MAP3K5: variants seen among roughly 807,000 people sequenced by gnomAD.
The protein encoded by MAP3K5 is mitogen-activated protein kinase kinase kinase 5, also known as ASK-1.
In MAP3K5, 56 loss-of-function variants were observed where a neutral mutation model predicts 158.7. The ratio of observed to expected loss-of-function variants is 0.35; its 90% CI spans 0.28 to 0.44. The LOEUF (loss-of-function observed/expected upper bound fraction) is 0.44. Ranked by LOEUF, MAP3K5 falls within the 20% of genes least tolerant of loss-of-function variation. The pLI is 1.00. For synonymous variants in MAP3K5, 579 were observed against 601.7 expected, an observed-to-expected ratio of 0.96 and a Z score of 0.55; for missense variants, 1,294 against 1,674.8, an observed-to-expected ratio of 0.77 and a Z score of 3.97.
Position 136,757,589 on chromosome 6 carries a change from T to TTA in MAP3K5, c.448+34120_448+34121insTA, listed in dbSNP as rs1783558573. ...TAGATTTATTTATTTATTTTTTATTTTTTTTTTTTTTTTTTGAGACGGAGT... is the reference window on the plus strand; with the variant it reads ...TAGATTTATTTATTTATTTTTTATTTTATTTTTTTTTTTTTTTGAGACGGAGT... On this transcript the variant is annotated intron_variant, in intron 1 of 29. Transcript: ENST00000359015. 4.9e-5 allele frequency among the ~76,000 whole-genome samples: 7 copies of TTA among 141,524 alleles called. 1 individual carries two copies. Among genetic ancestry groups the TTA allele is most frequent in the African/African-American group, 1.8e-4 (7 of 38,012 alleles). The allele number at this position is 141,524 out of a possible 152,430, so 92.8% of individuals were successfully genotyped here. A position where few individuals can be genotyped will look rare whatever the true frequency, so the allele number is the denominator to read the frequency against.
chr6:136,643,843 C>T (rs1244877023), intron 11 of MAP3K5, among the ~76,000 whole-genome samples: 1 of 152,154 alleles, frequency 6.6e-6, no homozygotes, highest in Non-Finnish European at 1.5e-5. Flanking sequence ...AGACTGCAGC[C>T]TCAGCTGGTA....
intron 14 of MAP3K5, among the ~76,000 whole-genome samples, chr6:136,635,725 CAAAAA>C (rs140167177): frequency 4.4e-5 from 3 of 67,854 alleles, no homozygotes; most frequent in Non-Finnish European, 5.4e-5. Flanking sequence ...CCGTCTCCAC[CAAAAA>C]AAAAAAAAAA....
chr6:136,614,036 C>G, intron 16 of MAP3K5, 123 bp downstream of exon 16: 1 of 996,796 alleles, frequency 1.0e-6, no homozygotes, highest in Admixed American at 2.5e-5. Flanking sequence ...GGTAATGTCA[C>G]ATGTCCAATT....
intron 3 of MAP3K5, among the ~76,000 whole-genome samples, chr6:136,704,857 T>C (rs1209816533): frequency 6.6e-6 from 1 of 152,116 alleles, no homozygotes; most frequent in East Asian, 1.9e-4. Context: ...GAATATACTA[T>C]GAAACATTTT....
At chr6:136,736,781 C>T (rs1782479244) in intron 1 of MAP3K5, among the ~76,000 whole-genome samples, 1 of 151,892 alleles carries the variant, frequency 6.6e-6, no homozygotes, top group Non-Finnish European at 1.5e-5. Context: ...CTCAACTGAT[C>T]CTCCCACCTC....
rs182681656 is a variant in MAP3K5 at position 136,580,412 on chromosome 6, G to A, written c.3412-6C>T. 2 of 1,583,090 alleles carry A rather than the reference G, an allele frequency of 1.3e-6. No homozygotes were observed. Among genetic ancestry groups the A allele is most frequent in the African/African-American group, 1.3e-5 (1 of 74,424 alleles). ...TTCCGAAGAACTTTATTGACCTGGA[G>A]AGAGAGTGACATTTAGCCTACTTTA... On this transcript the variant is annotated splice_polypyrimidine_tract_variant and splice_region_variant and intron_variant, in intron 24 of 29. Coordinates refer to ENST00000359015, the MANE Select transcript of MAP3K5 (RefSeq NM_005923.4).
chr6:136,607,323 A>T (rs1776144659), intron 18 of MAP3K5, among the ~76,000 whole-genome samples: 1 of 152,112 alleles, frequency 6.6e-6, no homozygotes, highest in Non-Finnish European at 1.5e-5. Context: ...TAAATTAGAC[A>T]ATTCAAGTAA....
Position 136,651,010 on chromosome 6 carries a change from T to C in MAP3K5, c.1762A>G (p.Ile588Val). The change falls in exon 11 of 30, where the codon ATT becomes GTT. Residue 588 changes from isoleucine (I) to valine (V), a missense_variant. Ile to Val is a conservative substitution (Grantham distance 29). This residue lies in a region of MAP3K5 where 690 missense variants were observed against 870.5 expected (regional missense o/e 0.79). Coordinates refer to ENST00000359015, the MANE Select transcript of MAP3K5 (RefSeq NM_005923.4). ...NNEVEEKTIS[I>V]WHVLPDDKKG... ...TTGTCATCAGGAAGCACGTGCCAAA[T>C]AGAGATTGTCTTTTCCTCAACTTCA... The C allele has an allele frequency of 1.9e-6, 3 of 1,611,754 alleles. No individual in the cohort carries two copies. Among genetic ancestry groups the C allele is most frequent in the East Asian group, 2.2e-5 (1 of 44,808 alleles).
intron 1 of MAP3K5, among the ~76,000 whole-genome samples, chr6:136,724,957 C>G (rs1437096686): frequency 6.6e-6 from 1 of 152,174 alleles, no homozygotes; most frequent in East Asian, 1.9e-4. Flanking sequence ...AAATCCCAGT[C>G]CCTGGCAACC....
chr6:136,709,643 T>C (rs1355348008), intron 2 of MAP3K5, among the ~76,000 whole-genome samples: 1 of 152,254 alleles, frequency 6.6e-6, no homozygotes, highest in African/African-American at 2.4e-5. Context: ...CAATATGCTA[T>C]ATCTTCCTTA....
At chr6:136,603,020 T>G (rs1486335993) in intron 19 of MAP3K5, among the ~76,000 whole-genome samples, 4 of 152,170 alleles carry the variant, frequency 2.6e-5, no homozygotes, top group Non-Finnish European at 5.9e-5. Flanking sequence ...AGGAAATCCT[T>G]TTGTTCTTAT....
chr6:136,649,967 C>T (rs1242695416), intron 11 of MAP3K5, among the ~76,000 whole-genome samples: 1 of 152,176 alleles, frequency 6.6e-6, no homozygotes, highest in Non-Finnish European at 1.5e-5. Context: ...AAACTGCAAG[C>T]CCATACTCCC....
intron 1 of MAP3K5, among the ~76,000 whole-genome samples, chr6:136,766,936 T>C (rs1783991943): frequency 6.6e-6 from 1 of 152,186 alleles, no homozygotes; most frequent in Admixed American, 6.5e-5. Context: ...TTTCATTAGA[T>C]TTCCACTATC....
intron 7 of MAP3K5, among the ~76,000 whole-genome samples, chr6:136,683,530 G>A (rs1260380581): frequency 6.6e-6 from 1 of 152,164 alleles, no homozygotes; most frequent in African/African-American, 2.4e-5. Flanking sequence ...TCCTACTTCT[G>A]AACTTCATGT....
At chr6:136,594,985 G>T (rs1775559545) in intron 21 of MAP3K5, among the ~76,000 whole-genome samples, 1 of 152,178 alleles carries the variant, frequency 6.6e-6, no homozygotes, top group South Asian at 2.1e-4. Flanking sequence ...CCTAAAAGGA[G>T]GCCTAATGAG....
At chr6:136,650,617 CT>C in intron 11 of MAP3K5, among the ~76,000 whole-genome samples, 1 of 152,310 alleles carries the variant, frequency 6.6e-6, no homozygotes, top group African/African-American at 2.4e-5. Flanking sequence ...TGGCATCATT[CT>C]GACAGGCTTC....
intron 8 of MAP3K5, among the ~76,000 whole-genome samples, chr6:136,667,622 A>G (rs912952628): frequency 6.6e-6 from 1 of 152,090 alleles, no homozygotes; most frequent in Non-Finnish European, 1.5e-5. Flanking sequence ...GAGGTTTTTG[A>G]AAAAAGCACT....
intron 1 of MAP3K5, among the ~76,000 whole-genome samples, chr6:136,743,246 C>T (rs542903736): frequency 7.2e-5 from 11 of 152,256 alleles, no homozygotes; most frequent in South Asian, 4.2e-4. Context: ...GTCACGAAAT[C>T]GAGACCATCC....
At chr6:136,700,862 C>T (rs1341053691) in intron 3 of MAP3K5, among the ~76,000 whole-genome samples, 1 of 152,096 alleles carries the variant, frequency 6.6e-6, no homozygotes, top group Non-Finnish European at 1.5e-5. Context: ...GTGGGACACC[C>T]GACTACTGCC....
Sources: gnomAD v4.1 joint callset for allele counts (sites outside exome capture counted in the v4.1 genomes callset) on GRCh38, gnomAD v4.1.1 for gene constraint, gnomAD v4.1.1 regional missense constraint, MANE v1.5 for transcripts, NCBI Gene and HGNC (gene_info 2026-07-23, HGNC 2026-07-21) for gene names.